Variants in SMPDL3B observed in about 807,000 individuals in gnomAD.
SMPDL3B encodes the protein acid sphingomyelinase-like phosphodiesterase 3b.
Under a neutral mutation model 37.9 loss-of-function variants are expected in SMPDL3B, and 31 were observed. The observed-to-expected ratio is 0.82, with a 90% CI of 0.61 to 1.10. The LOEUF (loss-of-function observed/expected upper bound fraction) is 1.10. Ranked by LOEUF, SMPDL3B falls within the 50% of genes least tolerant of loss-of-function variation. The probability of loss-of-function intolerance (pLI) is 0.00; values close to 1 mark genes in which losing one functional copy is unlikely to be tolerated. For missense variants in SMPDL3B, 525 were observed against 597.8 expected, an observed-to-expected ratio of 0.88 and a Z score of 1.27; for synonymous variants, 235 against 242.6, an observed-to-expected ratio of 0.97 and a Z score of 0.29.
intron 2 of SMPDL3B, chr1:27,948,861 T>G: frequency 1.2e-6 from 1 of 868,186 alleles, no homozygotes; most frequent in Admixed American, 2.1e-5. Flanking sequence ...AAACAGCCAA[T>G]CAAGGGACCC....
At chr1:27,953,886 C>G (rs1308389326) in intron 4 of SMPDL3B, among the ~76,000 whole-genome samples, 1 of 152,212 alleles carries the variant, frequency 6.6e-6, no homozygotes, top group African/African-American at 2.4e-5. Context: ...TTCAGAAACA[C>G]AGCCAGCCCA....
intron 1 of SMPDL3B, among the ~76,000 whole-genome samples, chr1:27,944,176 G>C (rs1571651614): frequency 6.6e-6 from 1 of 151,806 alleles, no homozygotes; most frequent in Admixed American, 6.6e-5. Flanking sequence ...TCTAGGTTTC[G>C]GTCAATCACC....
chr1:27,945,372 T>C lies in SMPDL3B; in HGVS notation c.202T>C (p.Trp68Arg), dbSNP rs1388040084. ...PWGDYLCDSP[W>R]ALINSSIYAM... ...GGGTGACTACCTCTGTGATTCTCCC[T>C]GGGCCCTCATCAACTCCTCCATCTA... Residue 68 changes from tryptophan (W) to arginine (R), a missense_variant, in exon 2 of 8, where the codon TGG (tryptophan) becomes CGG (arginine). Transcript: ENST00000373894. This position sits in a 1 kb window ranked among gnomAD's most constrained non-coding sequence, Gnocchi z 4.0. 1.2e-6 allele frequency: 2 copies of C among 1,614,050 alleles called. No homozygotes were observed. The highest frequency in any genetic ancestry group is 1.7e-6 in the Non-Finnish European group (2 of 1,180,014).
chr1:27,958,338 G>C lies in SMPDL3B; in HGVS notation c.1006-138G>C. 8.7e-7 allele frequency: 1 copy of C among 1,150,906 alleles called. No individual in the cohort carries two copies. The highest frequency in any genetic ancestry group is 2.3e-5 in the Admixed American group (1 of 43,380). The allele number at this position is 1,150,906 out of a possible 1,614,324, so 71.3% of individuals were successfully genotyped here. On this transcript the variant is annotated intron_variant, in intron 7 of 7. Coordinates refer to ENST00000373894, the MANE Select transcript of SMPDL3B (RefSeq NM_014474.4). The surrounding 1 kb of genome is among the most constrained non-coding windows in gnomAD (Gnocchi z 5.6). ...CAGAGGATGTCTGCCAAGCACAATG[G>C]GTGCACAGCTAAGTGCTCAATAACT...
At chr1:27,952,338 T>C (rs2090461854) in intron 3 of SMPDL3B, among the ~76,000 whole-genome samples, 1 of 152,132 alleles carries the variant, frequency 6.6e-6, no homozygotes, top group South Asian at 2.1e-4. Context: ...GTTAGAGATA[T>C]TTCCCAACTG....
At chr1:27,948,891 G>A (rs2090432008) in intron 2 of SMPDL3B, 174 bp from the exon 3 acceptor site, 3 of 1,262,574 alleles carry the variant, frequency 2.4e-6, no homozygotes, top group Non-Finnish European at 3.3e-6. Flanking sequence ...AAATGGCAAA[G>A]CCTAGTTCTC....
chr1:27,949,344 A>G (rs927647414), intron 3 of SMPDL3B, among the ~76,000 whole-genome samples, 182 bp downstream of exon 3: 1 of 152,196 alleles, frequency 6.6e-6, no homozygotes, highest in Non-Finnish European at 1.5e-5. Context: ...GGCAACATGC[A>G]AGCCCATGGG....
Position 27,958,792 on chromosome 1 carries a change from CGCT to C in SMPDL3B, c.1330_1332del (p.Leu444del). On this transcript the variant is annotated inframe_deletion, in exon 8 of 8. Coordinates refer to ENST00000373894, the MANE Select transcript of SMPDL3B (RefSeq NM_014474.4). The surrounding 1 kb of genome is among the most constrained non-coding windows in gnomAD (Gnocchi z 5.6). ...GGCACCACGCCCGTGCCCCAGCTCCCGCTGCTGCTGATGGCCCTGCTGGGCCTG... is the reference window on the plus strand; with the variant it reads ...GGCACCACGCCCGTGCCCCAGCTCCCGCTGCTGATGGCCCTGCTGGGCCTG... 3 of 1,607,612 alleles carry C rather than the reference CGCT, an allele frequency of 1.9e-6. No individual in the cohort carries two copies. Among genetic ancestry groups the C allele is most frequent in the Middle Eastern group, 3.4e-4 (2 of 5,936 alleles).
At chr1:27,956,881 G>A (rs1638299068) in intron 7 of SMPDL3B, among the ~76,000 whole-genome samples, 1 of 152,070 alleles carries the variant, frequency 6.6e-6, no homozygotes, top group South Asian at 2.1e-4. Flanking sequence ...GTCCACATAA[G>A]GTGCCATTTG....
intron 5 of SMPDL3B, 95 bp from the exon 6 acceptor site, chr1:27,955,589 A>G: frequency 7.8e-7 from 1 of 1,280,020 alleles, no homozygotes; most frequent in South Asian, 1.3e-5. Flanking sequence ...GGGCCTGTCT[A>G]CCTGCCTTTG....
At chr1:27,948,637 T>C (rs1293893304) in intron 2 of SMPDL3B, among the ~76,000 whole-genome samples, 1 of 152,246 alleles carries the variant, frequency 6.6e-6, no homozygotes, top group African/African-American at 2.4e-5. Flanking sequence ...AGATGGCTTC[T>C]CAACCCTGAG....
In SMPDL3B at chr1:27,945,401, C is replaced by T. The variant is rs775527405; in HGVS notation, c.231C>T (p.Ala77=). The T allele has an allele frequency of 1.2e-6, 2 of 1,614,150 alleles. No individual in the cohort carries two copies. Among genetic ancestry groups the T allele is most frequent in the Non-Finnish European group, 1.7e-6 (2 of 1,180,012 alleles). ...PWALINSSIY[A]MKEIEPEPDF... is the part of the protein sequence containing the mutation. The stretch of plus-strand genomic sequence containing the variant: ...CCCTCATCAACTCCTCCATCTATGC[C>T]ATGAAGGAGATTGAGCCAGAGCCAG... The change falls in exon 2 of 8, where the codon GCC becomes GCT. Residue 77 remains alanine (A), a synonymous_variant. Coordinates refer to ENST00000373894, the MANE Select transcript of SMPDL3B (RefSeq NM_014474.4). The surrounding 1 kb of genome is among the most constrained non-coding windows in gnomAD (Gnocchi z 4.0).
At chr1:27,942,508 T>C in intron 1 of SMPDL3B, 1 of 373,770 alleles carries the variant, frequency 2.7e-6, no homozygotes. Flanking sequence ...TGAGACAGTC[T>C]TGCTGTGTCG....
intron 2 of SMPDL3B, among the ~76,000 whole-genome samples, chr1:27,948,016 T>TA: frequency 6.6e-6 from 1 of 152,284 alleles, no homozygotes; most frequent in Non-Finnish European, 1.5e-5. Flanking sequence ...CTTGCTGCCC[T>TA]AATGTGGGTA....
chr1:27,954,243 T>G, intron 4 of SMPDL3B, 111 bp from the exon 5 acceptor site: 2 of 1,029,484 alleles, frequency 1.9e-6, no homozygotes, highest in Admixed American at 2.3e-5. Context: ...ATGGGAAAGA[T>G]GGGAGGGGAA....
intron 7 of SMPDL3B, chr1:27,956,524 T>C: frequency 9.2e-7 from 1 of 1,085,124 alleles, no homozygotes; most frequent in Non-Finnish European, 1.1e-6. Context: ...TTGTCCACAT[T>C]TTCCGTACAC....
chr1:27,937,000 G>A (rs181910897), intron 1 of SMPDL3B, among the ~76,000 whole-genome samples: 2 of 149,922 alleles, frequency 1.3e-5, no homozygotes, highest in African/African-American at 4.9e-5. Flanking sequence ...CAGCCTGGGC[G>A]ACAGAGTGAG....
At position 27,945,314 on chromosome 1, in the gene SMPDL3B, T is replaced by C; in HGVS notation, c.144T>C (p.Ala48=). ...SKDPFQVCPS[A]GSQPVPDAGP... ...ACCCCTTCCAGGTGTGCCCATCAGC[T>C]GGATCCCAGCCAGTGCCCGACGCAG... The change falls in exon 2 of 8, where the codon GCT becomes GCC. Residue 48 remains alanine, a synonymous_variant. Coordinates refer to ENST00000373894, the MANE Select transcript of SMPDL3B (RefSeq NM_014474.4). The surrounding 1 kb of genome is among the most constrained non-coding windows in gnomAD (Gnocchi z 4.0). The C allele has an allele frequency of 6.2e-7, 1 of 1,614,202 alleles. No homozygotes were observed. The highest frequency in any genetic ancestry group is 8.5e-7 in the Non-Finnish European group (1 of 1,180,046).
intron 3 of SMPDL3B, among the ~76,000 whole-genome samples, chr1:27,952,836 C>T (rs1025701821): frequency 2.6e-5 from 4 of 152,214 alleles, no homozygotes; most frequent in African/African-American, 4.8e-5. Context: ...CAGAGTGACG[C>T]AGACCCTTTC....
Sources: allele counts gnomAD v4.1 joint callset (sites outside exome capture counted in the v4.1 genomes callset), GRCh38; gene constraint gnomAD v4.1.1; non-coding constraint Gnocchi (gnomAD v3.1); transcripts MANE v1.5; gene names NCBI Gene and HGNC (gene_info 2026-07-23, HGNC 2026-07-21).